COG5: variants seen among roughly 807,000 people sequenced by gnomAD.
COG5 encodes conserved oligomeric Golgi complex subunit 5.
A neutral mutation model predicts 110.4 loss-of-function variants in COG5; 86 were observed. That is an observed-to-expected ratio of 0.78 (90% CI 0.65 to 0.93). The LOEUF is 0.93. COG5 is among the 40% of genes least tolerant of loss of function. The pLI is 0.00. For missense variants in COG5, 1,077 were observed against 987.0 expected (o/e 1.09, Z -1.22); for synonymous variants, 360 against 334.6 (o/e 1.08, Z -0.83).
intron 8 of COG5, among the ~76,000 whole-genome samples, chr7:107,367,356 T>C (rs970070472): frequency 6.6e-6 from 1 of 152,088 alleles, no homozygotes; most frequent in Non-Finnish European, 1.5e-5. Context: ...ACAACCTCTA[T>C]GGAAAATAGT....
At chr7:107,461,105 G>T (rs1208946684) in intron 6 of COG5, among the ~76,000 whole-genome samples, 1 of 151,984 alleles carries the variant, frequency 6.6e-6, no homozygotes, top group Non-Finnish European at 1.5e-5. Flanking sequence ...GTCCAGCATT[G>T]TCCTGATTCC....
intron 10 of COG5, among the ~76,000 whole-genome samples, chr7:107,345,819 G>A (rs559718726): frequency 6.6e-6 from 1 of 152,258 alleles, no homozygotes; most frequent in South Asian, 2.1e-4. Flanking sequence ...GCCCACCTAA[G>A]AGTATGTCAA....
At chr7:107,338,791 A>T (rs1810926605) in intron 10 of COG5, among the ~76,000 whole-genome samples, 1 of 152,104 alleles carries the variant, frequency 6.6e-6, no homozygotes, top group Non-Finnish European at 1.5e-5. Context: ...TAGACAAAAG[A>T]CTTTAATAGA....
intron 12 of COG5, among the ~76,000 whole-genome samples, chr7:107,290,898 C>T (rs569699899): frequency 6.6e-6 from 1 of 152,276 alleles, no homozygotes; most frequent in East Asian, 1.9e-4. Context: ...TCAAGCGATC[C>T]TCCTGCCTTG....
intron 6 of COG5, among the ~76,000 whole-genome samples, chr7:107,455,096 A>G (rs1795578430): frequency 6.6e-6 from 1 of 152,244 alleles, no homozygotes; most frequent in Non-Finnish European, 1.5e-5. Flanking sequence ...CTCAACTAAA[A>G]GTACATAATA....
intron 21 of COG5, chr7:107,208,233 T>G: frequency 1.0e-6 from 1 of 985,396 alleles, no homozygotes; most frequent in Non-Finnish European, 1.2e-6. Flanking sequence ...GAATCAGCCA[T>G]GTGTGGAGGG....
At chr7:107,554,187 G>T in intron 3 of COG5, 98 bp downstream of exon 3, 1 of 997,750 alleles carries the variant, frequency 1.0e-6, no homozygotes, top group Non-Finnish European at 1.6e-6. Flanking sequence ...CTGTATGGCT[G>T]GCAAAGTCTA....
intron 17 of COG5, among the ~76,000 whole-genome samples, chr7:107,242,790 G>C (rs1801746183): frequency 6.6e-6 from 1 of 152,148 alleles, no homozygotes; most frequent in Non-Finnish European, 1.5e-5. Flanking sequence ...CCACAGCTTA[G>C]ACCCTCCCCC....
chr7:107,414,099 A>T (rs1339513140), intron 6 of COG5, among the ~76,000 whole-genome samples: 1 of 152,232 alleles, frequency 6.6e-6, no homozygotes, highest in Non-Finnish European at 1.5e-5. Flanking sequence ...TGTAAAAATC[A>T]TAACAGATAT....
intron 19 of COG5, among the ~76,000 whole-genome samples, chr7:107,216,664 A>T (rs1313867827): frequency 6.6e-6 from 1 of 152,240 alleles, no homozygotes; most frequent in Non-Finnish European, 1.5e-5. Context: ...GGGTCAAAGG[A>T]GAAAACAAAA....
chr7:107,312,259 A>C (rs1442137514), intron 11 of COG5, among the ~76,000 whole-genome samples: 1 of 152,206 alleles, frequency 6.6e-6, no homozygotes, highest in Non-Finnish European at 1.5e-5. Flanking sequence ...AAAGACTTTA[A>C]ATATTTAACA....
intron 19 of COG5, among the ~76,000 whole-genome samples, chr7:107,219,191 T>C (rs1339557295): frequency 3.3e-5 from 5 of 152,004 alleles, no homozygotes; most frequent in Non-Finnish European, 7.4e-5. Flanking sequence ...AAATGAAAGA[T>C]TGTGGTGAGA....
intron 16 of COG5, among the ~76,000 whole-genome samples, chr7:107,254,204 C>G (rs1283582763): frequency 2.0e-5 from 3 of 152,086 alleles, no homozygotes; most frequent in Non-Finnish European, 2.9e-5. Context: ...ATGTCTATAT[C>G]TATATTTTTC....
At chr7:107,287,123 T>C (rs907029247) in intron 12 of COG5, among the ~76,000 whole-genome samples, 1 of 152,166 alleles carries the variant, frequency 6.6e-6, no homozygotes, top group Non-Finnish European at 1.5e-5. Flanking sequence ...ATGCAAGTTG[T>C]TTTCAAAGAC....
intron 6 of COG5, among the ~76,000 whole-genome samples, chr7:107,467,197 G>A (rs1251892024): frequency 6.6e-6 from 1 of 152,076 alleles, no homozygotes; most frequent in Non-Finnish European, 1.5e-5. Flanking sequence ...CTGTATTTTG[G>A]GGTTAGAATC....
intron 17 of COG5, among the ~76,000 whole-genome samples, chr7:107,247,856 T>C (rs986939267): frequency 6.6e-6 from 1 of 152,160 alleles, no homozygotes; most frequent in Admixed American, 6.5e-5. Flanking sequence ...TCAGATTAGA[T>C]TGTCACATAA....
At chr7:107,415,293 A>C (rs547003158) in intron 6 of COG5, among the ~76,000 whole-genome samples, 2 of 152,296 alleles carry the variant, frequency 1.3e-5, no homozygotes, top group Admixed American at 1.3e-4. Context: ...AAGTGGAAAT[A>C]TAAGCAGATT....
At chr7:107,315,151 TTCTAA>T (rs1808616207) in intron 11 of COG5, among the ~76,000 whole-genome samples, 1 of 142,198 alleles carries the variant, frequency 7.0e-6, no homozygotes, top group South Asian at 2.2e-4. Flanking sequence ...TTGCATACTA[TTCTAA>T]TCTTTTTTTT....
intron 6 of COG5, among the ~76,000 whole-genome samples, chr7:107,481,417 C>T (rs17481842): frequency 0.13 from 19,907 of 151,994 alleles, 1,533 homozygotes; most frequent in Non-Finnish European, 0.17. Flanking sequence ...AATGAGAGCA[C>T]TGGCCATATT....
Sources: allele counts gnomAD v4.1 joint callset (sites outside exome capture counted in the v4.1 genomes callset), GRCh38; gene constraint gnomAD v4.1.1; transcripts MANE v1.5; gene names NCBI Gene and HGNC (gene_info 2026-07-23, HGNC 2026-07-21).